Variants in GART observed in about 807,000 individuals in gnomAD.
GART encodes the protein trifunctional purine biosynthetic protein adenosine-3.
GART carries 43 observed loss-of-function variants against 107.2 expected under a neutral mutation model. That is an observed-to-expected ratio of 0.40 (90% CI 0.31 to 0.52). The LOEUF is 0.52. Ranked by LOEUF, GART falls within the 20% of genes least tolerant of loss-of-function variation. GART has a pLI of 0.52. For missense variants in GART, 1,107 were observed against 1,206.5 expected (o/e 0.92, Z 1.22); for synonymous variants, 434 against 427.0 (o/e 1.02, Z -0.20).
rs1268487941 is a variant in GART, at chr21:33,531,472, A to G, written c.597+17T>C. 4 of 1,608,480 alleles carry G rather than the reference A, an allele frequency of 2.5e-6. No homozygotes were observed. Among genetic ancestry groups the G allele is most frequent in the African/African-American group, 1.3e-5 (1 of 74,604 alleles). On this transcript the variant is annotated intron_variant, in intron 6 of 21. Coordinates refer to ENST00000381815, the MANE Select transcript of GART (RefSeq NM_000819.5). The stretch of plus-strand genomic sequence containing the variant: ...CTTCTTATACACTACAAAAGCCAAA[A>G]AGATGAATATACATACCGACACCTC...
At chr21:33,514,240 T>C (rs1235032377) in intron 16 of GART, among the ~76,000 whole-genome samples, 2 of 151,978 alleles carry the variant, frequency 1.3e-5, no homozygotes, top group Admixed American at 1.3e-4. Flanking sequence ...GGAACTCCAG[T>C]TGGGGCGACA....
At chr21:33,538,401 GTATTT>G (rs1223928266) in intron 2 of GART, among the ~76,000 whole-genome samples, 1 of 149,570 alleles carries the variant, frequency 6.7e-6, no homozygotes, top group Non-Finnish European at 1.5e-5. Flanking sequence ...GCTAATTTTT[GTATTT>G]TTTTTTTGTA....
Position 33,535,262 on chromosome 21 carries a change from T to C in GART, c.204A>G (p.Glu68=), listed in dbSNP as rs2085281002. The change falls in exon 3 of 22, where the codon GAA becomes GAG. Residue 68 remains glutamate, a synonymous_variant. Transcript: ENST00000381815. ...LAQFCKEKKI[E]FVVVGPEAPL... ...GTGCTTCTGGTCCAACAACTACAAA[T>C]TCAATTTTCTTCTCTTTGCAGAATT... is the stretch of plus-strand genomic sequence containing the variant. 5.7e-6 allele frequency: 9 copies of C among 1,588,008 alleles called. No homozygotes were observed. The East Asian group carries it at 1.4e-4, about 24-fold the overall frequency.
intron 8 of GART, 55 bp from the exon 9 acceptor site, chr21:33,528,659 C>T (rs1601211938): frequency 1.7e-6 from 2 of 1,161,916 alleles, no homozygotes; most frequent in South Asian, 3.1e-5. Flanking sequence ...ATGATGAAGA[C>T]ACTGTATTAC....
intron 4 of GART, 60 bp downstream of exon 4, chr21:33,534,519 A>G (rs948726603): frequency 1.5e-5 from 24 of 1,582,356 alleles, no homozygotes; most frequent in Non-Finnish European, 3.5e-6. Flanking sequence ...CTGGCCACTG[A>G]CCTGTGTATT....
intron 2 of GART, among the ~76,000 whole-genome samples, chr21:33,537,093 CTATATCAG>C (rs1348843447): frequency 1.3e-5 from 2 of 152,116 alleles, no homozygotes; most frequent in African/African-American, 4.8e-5. Context: ...GCAGCGTCAA[CTATATCAG>C]TATAGCAGAG....
chr21:33,533,986 G>A (rs981826281), intron 4 of GART, among the ~76,000 whole-genome samples: 5 of 152,074 alleles, frequency 3.3e-5, no homozygotes, highest in Non-Finnish European at 7.4e-5. Flanking sequence ...AGAACCAAGT[G>A]TATTTTTCCC....
chr21:33,522,114 G>A (rs766358888), intron 12 of GART, 74 bp downstream of exon 12: 39 of 1,157,192 alleles, frequency 3.4e-5, no homozygotes, highest in Non-Finnish European at 4.6e-5. Flanking sequence ...AAATATTCCT[G>A]TTAAATATAA....
At chr21:33,531,590 A>T (rs773883481) in intron 5 of GART, 33 bp from the exon 6 acceptor site, 12,633 of 1,154,966 alleles carry the variant, frequency 0.011, 156 homozygotes, top group African/African-American at 0.099. Flanking sequence ...TTTTTTTTTT[A>T]AAAAAAGAGG....
chr21:33,531,255 C>T lies in GART; in HGVS notation c.597+234G>A, dbSNP rs574399664. ...CATGAATGCTTGAATTAATCCAGAA[C>T]CTCAATAGTGTGTAAGTCCAAGTGC... On this transcript the variant is annotated intron_variant, in intron 6 of 21. Coordinates refer to ENST00000381815, the MANE Select transcript of GART (RefSeq NM_000819.5). The T allele has an allele frequency of 2.8e-5, 14 of 493,812 alleles. 1 individual carries two copies. In the Admixed American group the frequency reaches 4.8e-4, roughly 17 times the overall value. 30.6% of individuals were successfully genotyped at this position (493,812 alleles called of 1,614,324 possible).
chr21:33,505,487 G>C, intron 20 of GART, 74 bp downstream of exon 20: 1 of 1,352,644 alleles, frequency 7.4e-7, no homozygotes, highest in South Asian at 1.5e-5. Flanking sequence ...TACTGGGATT[G>C]TTTGGCAAGT....
intron 12 of GART, among the ~76,000 whole-genome samples, chr21:33,521,921 T>C (rs1341963728): frequency 2.1e-5 from 3 of 145,598 alleles, no homozygotes; most frequent in South Asian, 2.2e-4. Context: ...ATGGTGCCAT[T>C]GCACTCCAGC....
At chr21:33,519,145 C>T (rs755119701) in intron 14 of GART, 11 of 270,436 alleles carry the variant, frequency 4.1e-5, no homozygotes, top group Non-Finnish European at 8.1e-5. Context: ...GGAAAAGGGT[C>T]ATGTGGAGGA....
chr21:33,536,906 CAGCTGA>C (rs2085317325), intron 2 of GART, among the ~76,000 whole-genome samples: 1 of 152,200 alleles, frequency 6.6e-6, no homozygotes, highest in Non-Finnish European at 1.5e-5. Context: ...TTTTGGACTA[CAGCTGA>C]CTGTGGGTAA....
rs1449641818 is a variant in GART at position 33,505,591 on chromosome 21, G to A, written c.2695C>T (p.Leu899Phe). 1.3e-6 allele frequency: 2 copies of A among 1,599,384 alleles called. No individual in the cohort carries two copies. The highest frequency in any genetic ancestry group is 1.7e-6 in the Non-Finnish European group (2 of 1,175,466). The change falls in exon 20 of 22, where the codon CTT becomes TTT. Residue 899 changes from leucine (L) to phenylalanine (F), a missense_variant. Leu to Phe is a conservative substitution (Grantham distance 22). Coordinates refer to ENST00000381815, the MANE Select transcript of GART (RefSeq NM_000819.5). The part of the protein sequence containing the change: ...IVCLAGFMRI[L>F]SGPFVQKWNG... Reference sequence around the variant, plus strand: ...CACTTTTGGACAAAGGGGCCAGAAAGAATTCTCATGAATCCTGCAAGACAG... The same window carrying A: ...CACTTTTGGACAAAGGGGCCAGAAAAAATTCTCATGAATCCTGCAAGACAG...
At chr21:33,524,673 A>G in intron 11 of GART, 96 bp downstream of exon 11, 1 of 1,543,916 alleles carries the variant, frequency 6.5e-7, no homozygotes, top group Non-Finnish European at 8.7e-7. Flanking sequence ...GAGAGAAAAG[A>G]ATACTGAATG....
intron 20 of GART, among the ~76,000 whole-genome samples, chr21:33,505,067 A>G (rs1339824479): frequency 6.6e-6 from 1 of 152,226 alleles, no homozygotes; most frequent in Non-Finnish European, 1.5e-5. Flanking sequence ...GGATGCAGTC[A>G]AGGCTTTTGG....
Position 33,532,473 on chromosome 21 carries a change from A to G in GART, c.417-17T>C. On this transcript the variant is annotated splice_polypyrimidine_tract_variant and intron_variant, in intron 4 of 21. Coordinates refer to ENST00000381815, the MANE Select transcript of GART (RefSeq NM_000819.5). ...AAGTCTGCACTGTAAAGACAGAGTA[A>G]TCGTCAACATCCAATAAACCATTAC... is the stretch of plus-strand genomic sequence containing the variant. 1.3e-6 allele frequency: 2 copies of G among 1,551,092 alleles called. No homozygotes were observed. Among genetic ancestry groups the G allele is most frequent in the South Asian group, 2.2e-5 (2 of 89,540 alleles).
At chr21:33,537,971 G>A (rs975978170) in intron 2 of GART, among the ~76,000 whole-genome samples, 29 of 152,044 alleles carry the variant, frequency 1.9e-4, no homozygotes, top group African/African-American at 7.0e-4. Flanking sequence ...GGCTGGGCAC[G>A]GTGGCTCATG....
Sources: gnomAD v4.1 joint callset for allele counts (sites outside exome capture counted in the v4.1 genomes callset) on GRCh38, gnomAD v4.1.1 for gene constraint, MANE v1.5 for transcripts, NCBI Gene and HGNC (gene_info 2026-07-23, HGNC 2026-07-21) for gene names.